The following PIK3R5 variants were observed in gnomAD, a reference collection of about 807,000 sequenced individuals.
PIK3R5 encodes the protein phosphoinositide 3-kinase regulatory subunit 5.
A neutral mutation model predicts 94.9 loss-of-function variants in PIK3R5; 32 were observed. The observed-to-expected ratio is 0.34, with a 90% CI of 0.25 to 0.45. PIK3R5 has a LOEUF of 0.45. Ranked by LOEUF, PIK3R5 falls within the 20% of genes least tolerant of loss-of-function variation. PIK3R5 has a pLI of 1.00. For missense variants in PIK3R5, 853 were observed against 1,144.6 expected (o/e 0.75, Z 3.68); for synonymous variants, 443 against 479.4 (o/e 0.92, Z 0.99).
chr17:8,888,379 G>T lies in PIK3R5; in HGVS notation c.1408C>A (p.Pro470Thr). The change falls in exon 10 of 19, where the codon CCT becomes ACT. Residue 470 changes from proline to threonine, a missense_variant. Pro to Thr is a conservative substitution (Grantham distance 38). Transcript: ENST00000447110. The surrounding 1 kb of genome is among the most constrained non-coding windows in gnomAD (Gnocchi z 7.8). ...CSPLDEPVSP[P>T]SRAQRSRSLP... ...GAGCGGGAGCGCTGGGCCCGGGAAG[G>T]GGGTGATACTGGTTCGTCCAGGGGG... 6.2e-7 allele frequency: 1 copy of T among 1,607,034 alleles called. No individual in the cohort carries two copies. The highest frequency in any genetic ancestry group is 8.5e-7 in the Non-Finnish European group (1 of 1,178,050).
intron 1 of PIK3R5, among the ~76,000 whole-genome samples, chr17:8,941,833 A>C (rs1039921529): frequency 6.6e-6 from 1 of 152,188 alleles, no homozygotes; most frequent in African/African-American, 2.4e-5. Flanking sequence ...GCCTCCCTCA[A>C]TCCTGCCTGC....
At chr17:8,938,521 T>G in intron 1 of PIK3R5, among the ~76,000 whole-genome samples, 1 of 152,224 alleles carries the variant, frequency 6.6e-6, no homozygotes, top group Non-Finnish European at 1.5e-5. Flanking sequence ...CTATACCTAT[T>G]AGCAATCACT....
chr17:8,913,659 T>C (rs1194914196), intron 1 of PIK3R5, among the ~76,000 whole-genome samples: 4 of 152,076 alleles, frequency 2.6e-5, no homozygotes, highest in Non-Finnish European at 4.4e-5. Flanking sequence ...TTGCAGTAAG[T>C]CGAGATCACA....
At position 8,904,630 on chromosome 17, in the gene PIK3R5, G is replaced by C. The variant is rs1009512552; in HGVS notation, c.412+147C>G. 1 of 711,590 alleles carries C rather than the reference G, an allele frequency of 1.4e-6. No individual in the cohort carries two copies. The highest frequency in any genetic ancestry group is 2.5e-5 in the Admixed American group (1 of 40,570). The allele number at this position is 711,590 out of a possible 1,614,324, so 44.1% of individuals were successfully genotyped here. The stretch of plus-strand genomic sequence containing the variant: ...AGATGCTTGATGGTGCTGTGAAGAG[G>C]AGACTCCATGTTTGTGAACCAAGGC... On this transcript the variant is annotated intron_variant, in intron 5 of 18. Coordinates refer to ENST00000447110, the MANE Select transcript of PIK3R5 (RefSeq NM_001142633.3). The surrounding 1 kb of genome is among the most constrained non-coding windows in gnomAD (Gnocchi z 5.1).
At chr17:8,939,416 C>G (rs2091134651) in intron 1 of PIK3R5, among the ~76,000 whole-genome samples, 1 of 152,208 alleles carries the variant, frequency 6.6e-6, no homozygotes, top group Non-Finnish European at 1.5e-5. Flanking sequence ...ATGAGTTACA[C>G]TGAAATACAA....
At position 8,887,615 on chromosome 17, in the gene PIK3R5, TTCA is replaced by T; in HGVS notation, c.1682_1684del (p.Val561_Lys562delinsGlu). ...ACCAGGGCTGGTCCCATGACTTCGC[TTCA>T]CAGGCACGTAGAAGAACTGAAGTTT... On this transcript the variant is annotated inframe_deletion, in exon 11 of 19. Transcript: ENST00000447110. 6.2e-7 allele frequency: 1 copy of T among 1,610,424 alleles called. No homozygotes were observed. Among genetic ancestry groups the T allele is most frequent in the Non-Finnish European group, 8.5e-7 (1 of 1,178,414 alleles).
chr17:8,932,511 A>AGCACTACCG (rs1193683274), intron 1 of PIK3R5, among the ~76,000 whole-genome samples: 1 of 152,188 alleles, frequency 6.6e-6, no homozygotes, highest in African/African-American at 2.4e-5. Context: ...CTGGGATTAC[A>AGCACTACCG]GGTGTGAGCC....
In PIK3R5 at chr17:8,911,884, G is replaced by T. The variant is rs1417945333; in HGVS notation, c.-13-377C>A. ...CCTGAGGGGAAAATCAGAATCACTC[G>T]GAGGACTTTTTCTGAATTTCCAGGC... is the stretch of plus-strand genomic sequence containing the variant. On this transcript the variant is annotated intron_variant, in intron 1 of 18. Coordinates refer to ENST00000447110, the MANE Select transcript of PIK3R5 (RefSeq NM_001142633.3). This position sits in a 1 kb window ranked among gnomAD's most constrained non-coding sequence, Gnocchi z 5.3. 6.2e-6 allele frequency: 1 copy of T among 161,904 alleles called. No individual in the cohort carries two copies. Among genetic ancestry groups the T allele is most frequent in the Non-Finnish European group, 1.3e-5 (1 of 74,344 alleles). 10.0% of individuals were successfully genotyped at this position (161,904 alleles called of 1,614,324 possible).
At chr17:8,937,730 G>C (rs2091100121) in intron 1 of PIK3R5, among the ~76,000 whole-genome samples, 1 of 152,150 alleles carries the variant, frequency 6.6e-6, no homozygotes, top group Non-Finnish European at 1.5e-5. Context: ...TTGGTATTAG[G>C]TAATGCTGGC....
Position 8,912,727 on chromosome 17 carries a change from A to C in PIK3R5, c.-13-1220T>G, listed in dbSNP as rs61759564. On this transcript the variant is annotated intron_variant, in intron 1 of 18. Transcript: ENST00000447110. ...TGAGCCATGCAGATGACATACAAAG[A>C]GGGATAAAATCCTAACCTGGGTTCA... Among the ~76,000 whole-genome samples the C allele has an allele frequency of 6.4e-3, 979 of 152,336 alleles. 10 individuals carry two copies. Among genetic ancestry groups the C allele is most frequent in the Admixed American group, 1.0e-2 (153 of 15,306 alleles).
intron 3 of PIK3R5, among the ~76,000 whole-genome samples, chr17:8,906,012 A>C (rs2090389073): frequency 6.6e-6 from 1 of 152,102 alleles, no homozygotes; most frequent in Non-Finnish European, 1.5e-5. Context: ...ATTTTATTTT[A>C]AGTTCTGGGA....
intron 1 of PIK3R5, among the ~76,000 whole-genome samples, chr17:8,932,888 A>C (rs2091011281): frequency 1.3e-5 from 2 of 152,176 alleles, no homozygotes; most frequent in Non-Finnish European, 1.5e-5. Flanking sequence ...AGATCTGGGA[A>C]GCTCTAAAAA....
Position 8,940,671 on chromosome 17 carries a change from C to T in PIK3R5, c.-14+24925G>A, listed in dbSNP as rs181699741. Among the ~76,000 whole-genome samples, 49 of 152,336 alleles carry T rather than the reference C, an allele frequency of 3.2e-4. No homozygotes were observed. In the East Asian group the frequency reaches 6.0e-3, roughly 19 times the overall value. On this transcript the variant is annotated intron_variant, in intron 1 of 18. Coordinates refer to ENST00000447110, the MANE Select transcript of PIK3R5 (RefSeq NM_001142633.3). The stretch of plus-strand genomic sequence containing the variant: ...CGCCTCCCAGGTTCAAGTGATTCTC[C>T]TGCCTCAGCCTTCCGAGTAGCTGGG...
rs764305481 is a variant in PIK3R5, at chr17:8,888,284, G to A, written c.1503C>T (p.Arg501=). 1.9e-6 allele frequency: 3 copies of A among 1,613,254 alleles called. No homozygotes were observed. Among genetic ancestry groups the A allele is most frequent in the South Asian group, 2.2e-5 (2 of 91,080 alleles). Residue 501 remains arginine, a synonymous_variant, in exon 10 of 19, where the codon CGC becomes CGT. Transcript: ENST00000447110. This position sits in a 1 kb window ranked among gnomAD's most constrained non-coding sequence, Gnocchi z 7.8. The part of the protein sequence containing the change: ...WLLAPASRPQ[R]RRPFLSGDED... The stretch of plus-strand genomic sequence containing the variant: ...CATCTCCACTCAGGAAGGGGCGGCG[G>A]CGCTGGGGGCGTGAAGCAGGGGCCA...
rs945054101 is a variant in PIK3R5 at position 8,881,970 on chromosome 17, T to A, written c.2206-89A>T. 15 of 982,142 alleles carry A rather than the reference T, an allele frequency of 1.5e-5. No homozygotes were observed. Among genetic ancestry groups the A allele is most frequent in the African/African-American group, 4.8e-5 (3 of 62,068 alleles). The allele number at this position is 982,142 out of a possible 1,614,324, so 60.8% of individuals were successfully genotyped here. A position where few individuals can be genotyped will look rare whatever the true frequency, so the allele number is the denominator to read the frequency against. Reference sequence around the variant, plus strand: ...TGAAGGCCCATCAGTGACAGGGGGTTGCCTCTAGTTAGCATATCCCCAGAA... The same window carrying A: ...TGAAGGCCCATCAGTGACAGGGGGTAGCCTCTAGTTAGCATATCCCCAGAA... On this transcript the variant is annotated intron_variant, in intron 15 of 18. Transcript: ENST00000447110. This position sits in a 1 kb window ranked among gnomAD's most constrained non-coding sequence, Gnocchi z 4.8.
chr17:8,916,209 C>T (rs1444236489), intron 1 of PIK3R5: 1 of 152,366 alleles, frequency 6.6e-6, no homozygotes, highest in African/African-American at 2.4e-5. Context: ...TAACCCAGCA[C>T]ACCGGGCTCA....
chr17:8,938,548 C>G (rs544470500), intron 1 of PIK3R5, among the ~76,000 whole-genome samples: 6 of 152,220 alleles, frequency 3.9e-5, no homozygotes, highest in South Asian at 2.1e-4. Flanking sequence ...TCTCCCTCCC[C>G]TTATCCTCTG....
chr17:8,909,267 A>C lies in PIK3R5; in HGVS notation c.104-93T>G. The C allele has an allele frequency of 1.4e-6, 1 of 728,322 alleles. No individual in the cohort carries two copies. The highest frequency in any genetic ancestry group is 2.3e-6 in the Non-Finnish European group (1 of 426,192). The allele number at this position is 728,322 out of a possible 1,614,324, so 45.1% of individuals were successfully genotyped here. ...AAAGAAGGGGCATTTATGCTGGAAC[A>C]TTTTTCTGTGGTATTGCACTGGAAC... On this transcript the variant is annotated intron_variant, in intron 2 of 18. Coordinates refer to ENST00000447110, the MANE Select transcript of PIK3R5 (RefSeq NM_001142633.3). This position sits in a 1 kb window ranked among gnomAD's most constrained non-coding sequence, Gnocchi z 4.3.
intron 1 of PIK3R5, among the ~76,000 whole-genome samples, chr17:8,917,940 A>G (rs1597402229): frequency 6.6e-6 from 1 of 152,206 alleles, no homozygotes; most frequent in East Asian, 1.9e-4. Context: ...AAGTGAATAA[A>G]CCATAGATAA....
Sources: gnomAD v4.1 joint callset for allele counts (sites outside exome capture counted in the v4.1 genomes callset) on GRCh38, gnomAD v4.1.1 for gene constraint, Gnocchi (gnomAD v3.1) non-coding constraint, MANE v1.5 for transcripts, NCBI Gene and HGNC (gene_info 2026-07-23, HGNC 2026-07-21) for gene names.